ATG7: variants seen among roughly 807,000 people sequenced by gnomAD.
ATG7 encodes autophagy related 7.
ATG7 carries 70 observed loss-of-function variants against 82.4 expected under a neutral mutation model. That is an observed-to-expected ratio of 0.85 (90% CI 0.70 to 1.04). ATG7 has a LOEUF of 1.04. ATG7 is among the 50% of genes least tolerant of loss of function. The probability of loss-of-function intolerance (pLI) is 0.00; values close to 1 mark genes in which losing one functional copy is unlikely to be tolerated. For synonymous variants in ATG7, 287 were observed against 313.0 expected, an observed-to-expected ratio of 0.92 and a Z score of 0.88; for missense variants, 792 against 864.3, an observed-to-expected ratio of 0.92 and a Z score of 1.05.
intron 19 of ATG7, among the ~76,000 whole-genome samples, chr3:11,412,315 C>T (rs2080987654): frequency 6.8e-6 from 1 of 147,972 alleles, no homozygotes; most frequent in Admixed American, 6.8e-5. Flanking sequence ...GGAAGGAACT[C>T]AGATAAAACA....
chr3:11,516,929 A>G (rs2092299485), intron 20 of ATG7, among the ~76,000 whole-genome samples: 1 of 152,064 alleles, frequency 6.6e-6, no homozygotes, highest in Non-Finnish European at 1.5e-5. Flanking sequence ...CTAAAAATCC[A>G]CAAATTAGCC....
At chr3:11,454,899 T>C (rs537069685) in intron 20 of ATG7, among the ~76,000 whole-genome samples, 1 of 152,170 alleles carries the variant, frequency 6.6e-6, no homozygotes, top group Admixed American at 6.5e-5. Flanking sequence ...ATAGCACTAC[T>C]ATAGAGAGGA....
chr3:11,428,670 G>T (rs1299102739), intron 20 of ATG7, among the ~76,000 whole-genome samples: 2 of 152,176 alleles, frequency 1.3e-5, no homozygotes, highest in East Asian at 1.9e-4. Context: ...TTTATTGTCT[G>T]CCGTATTATC....
Position 11,360,789 on chromosome 3 carries a change from G to T in ATG7, c.1683+5G>T. On this transcript the variant is annotated splice_donor_5th_base_variant and intron_variant, in intron 16 of 20. Coordinates refer to ENST00000693202, the MANE Select transcript of ATG7 (RefSeq NM_001349232.2). Reference sequence around the variant, plus strand: ...GATGTGGTGGCCCCAGGAGATGTAAGTGGATTTCTCTATAGTTCCAAATAT... The same window carrying T: ...GATGTGGTGGCCCCAGGAGATGTAATTGGATTTCTCTATAGTTCCAAATAT... The T allele has an allele frequency of 6.2e-7, 1 of 1,614,100 alleles. No individual in the cohort carries two copies. Among genetic ancestry groups the T allele is most frequent in the Non-Finnish European group, 8.5e-7 (1 of 1,179,934 alleles).
rs1559443429 is a variant in ATG7 at position 11,347,804 on chromosome 3, T to C, written c.1126-73T>C. The C allele has an allele frequency of 6.8e-6, 10 of 1,473,376 alleles. No individual in the cohort carries two copies. In the East Asian group the frequency reaches 2.1e-4, roughly 32 times the overall value. 91.3% of individuals were successfully genotyped at this position (1,473,376 alleles called of 1,614,324 possible). The stretch of plus-strand genomic sequence containing the variant: ...CAAGCTTCTCCAAACCAATATTCTT[T>C]TTGAGATTTCAAGAGACAGCACCCT... On this transcript the variant is annotated intron_variant, in intron 13 of 20. Transcript: ENST00000693202.
chr3:11,447,865 C>CG (rs1313626269), intron 20 of ATG7, among the ~76,000 whole-genome samples: 1 of 151,940 alleles, frequency 6.6e-6, no homozygotes, highest in Non-Finnish European at 1.5e-5. Context: ...CAGAACTACA[C>CG]GGTTGGAGTG....
At chr3:11,440,367 C>G (rs2083780761) in intron 20 of ATG7, among the ~76,000 whole-genome samples, 2 of 140,740 alleles carry the variant, frequency 1.4e-5, no homozygotes, top group Admixed American at 7.3e-5. Flanking sequence ...CTCTGTCGCC[C>G]AGGCTGGAGT....
At position 11,495,231 on chromosome 3, in the gene ATG7, T is replaced by C. The variant is rs2090730699; in HGVS notation, c.2080-59580T>C. On this transcript the variant is annotated intron_variant, in intron 20 of 20. Transcript: ENST00000693202. ...CCAGGGAAGGAGGCAGGGATTGTCA[T>C]GGACCTTGAAGTATGGACAGAATTA... Among the ~76,000 whole-genome samples, 6 of 152,324 alleles carry C rather than the reference T, an allele frequency of 3.9e-5. 1 individual carries two copies. In the South Asian group the frequency reaches 1.2e-3, roughly 32 times the overall value.
At chr3:11,282,559 G>A (rs1575133797) in intron 3 of ATG7, 121 bp downstream of exon 3, 1 of 152,198 alleles carries the variant, frequency 6.6e-6, no homozygotes, top group African/African-American at 2.4e-5. Context: ...ATGATTTGAT[G>A]TCTTGTGGAG....
chr3:11,389,122 T>C (rs2078561081), intron 19 of ATG7, among the ~76,000 whole-genome samples: 1 of 149,900 alleles, frequency 6.7e-6, no homozygotes, highest in African/African-American at 2.5e-5. Flanking sequence ...TAATCCCAGC[T>C]ACTTGGGAGG....
chr3:11,554,810 G>T lies in ATG7; in HGVS notation c.2080-1G>T, dbSNP rs551967625. On this transcript the variant is annotated splice_acceptor_variant, in intron 20 of 20. Transcript: ENST00000693202. LOFTEE classifies it high-confidence loss of function. ...CTGAGCCTCTCCCCTTCTCCATGCA[G>T]ATCTGGGACATGAGCGATGATGAGA... 3 of 1,613,500 alleles carry T rather than the reference G, an allele frequency of 1.9e-6. No individual in the cohort carries two copies. Among genetic ancestry groups the T allele is most frequent in the South Asian group, 1.1e-5 (1 of 91,034 alleles).
intron 3 of ATG7, among the ~76,000 whole-genome samples, chr3:11,283,979 G>A (rs1480512894): frequency 6.6e-6 from 1 of 152,002 alleles, no homozygotes; most frequent in Non-Finnish European, 1.5e-5. Context: ...AAAGCAAACA[G>A]ACAAAAAACT....
intron 20 of ATG7, 40 bp downstream of exon 20, chr3:11,426,966 G>A: frequency 1.3e-6 from 2 of 1,515,980 alleles, no homozygotes; most frequent in Non-Finnish European, 8.8e-7. Context: ...AGACTGACAT[G>A]CTTAAAACTA....
chr3:11,414,687 T>C (rs2081218784), intron 19 of ATG7, among the ~76,000 whole-genome samples: 3 of 152,204 alleles, frequency 2.0e-5, no homozygotes, highest in African/African-American at 2.4e-5. Context: ...AGTTAAATTC[T>C]TAGATGTAGA....
At chr3:11,474,881 G>A (rs531123211) in intron 20 of ATG7, among the ~76,000 whole-genome samples, 8 of 152,228 alleles carry the variant, frequency 5.3e-5, no homozygotes, top group Non-Finnish European at 7.4e-5. Flanking sequence ...GTGGGGGGCC[G>A]GAGCCAGTAT....
chr3:11,449,620 AAGC>A (rs2084913293), intron 20 of ATG7, among the ~76,000 whole-genome samples: 1 of 152,186 alleles, frequency 6.6e-6, no homozygotes, highest in East Asian at 1.9e-4. Flanking sequence ...TCGCTAAATC[AAGC>A]ATCAGATGAA....
intron 20 of ATG7, among the ~76,000 whole-genome samples, chr3:11,522,008 T>C (rs943861555): frequency 1.3e-5 from 2 of 152,144 alleles, no homozygotes; most frequent in African/African-American, 4.8e-5. Flanking sequence ...TAGCTACCAT[T>C]GTTATCTGCA....
chr3:11,326,707 A>G (rs1181266755), intron 9 of ATG7, among the ~76,000 whole-genome samples: 2 of 152,170 alleles, frequency 1.3e-5, no homozygotes, highest in African/African-American at 4.8e-5. Context: ...GGCAGAGGGG[A>G]GCAAAATAAA....
chr3:11,555,065 C>T lies in ATG7; in HGVS notation c.*222C>T. 1.8e-6 allele frequency: 1 copy of T among 561,984 alleles called. No homozygotes were observed. The allele number at this position is 561,984 out of a possible 1,614,324, so 34.8% of individuals were successfully genotyped here. On this transcript the variant is annotated 3_prime_UTR_variant, in exon 21 of 21. Coordinates refer to ENST00000693202, the MANE Select transcript of ATG7 (RefSeq NM_001349232.2). ...AGCTAAATAATAACCTTGGCCTTGGCCTTGCTATTGACCTGGGACTTGGTC... is the reference window on the plus strand; with the variant it reads ...AGCTAAATAATAACCTTGGCCTTGGTCTTGCTATTGACCTGGGACTTGGTC...
Sources: allele counts gnomAD v4.1 joint callset (sites outside exome capture counted in the v4.1 genomes callset), GRCh38; gene constraint gnomAD v4.1.1; transcripts MANE v1.5; gene names NCBI Gene and HGNC (gene_info 2026-07-23, HGNC 2026-07-21).